LARGE1: variants seen among roughly 807,000 people sequenced by gnomAD.
LARGE1 encodes LARGE xylosyl- and glucuronyltransferase 1, also known as xylosyl- and glucuronyltransferase LARGE1.
Under a neutral mutation model 87.6 loss-of-function variants are expected in LARGE1, and 43 were observed. That is an observed-to-expected ratio of 0.49 (90% confidence interval 0.38 to 0.63). The LOEUF (loss-of-function observed/expected upper bound fraction) is 0.63, where lower values mean the gene tolerates loss of function less well. Ranked by LOEUF, LARGE1 falls within the 30% of genes least tolerant of loss-of-function variation. The pLI is 0.00. For synonymous variants in LARGE1, 434 were observed against 394.6 expected, an observed-to-expected ratio of 1.10 and a Z score of -1.18; for missense variants, 802 against 1,000.2, an observed-to-expected ratio of 0.80 and a Z score of 2.67.
intron 12 of LARGE1, among the ~76,000 whole-genome samples, chr22:33,291,676 T>C (rs531390689): frequency 3.3e-5 from 5 of 150,018 alleles, no homozygotes; most frequent in Non-Finnish European, 7.4e-5. Context: ...ATACATTTAA[T>C]ACATAATGAT....
intron 1 of LARGE1, among the ~76,000 whole-genome samples, chr22:33,834,654 T>C (rs1489932295): frequency 1.3e-5 from 2 of 152,250 alleles, no homozygotes; most frequent in Non-Finnish European, 2.9e-5. Context: ...AAAGCCTGTT[T>C]GGTGGTCTCT....
At chr22:33,725,964 T>C in intron 2 of LARGE1, among the ~76,000 whole-genome samples, 1 of 152,094 alleles carries the variant, frequency 6.6e-6, no homozygotes, top group Admixed American at 6.6e-5. Context: ...ATGCTGCTGG[T>C]ACATAGTAGG....
intron 3 of LARGE1, among the ~76,000 whole-genome samples, chr22:33,641,149 G>T (rs563164679): frequency 1.3e-5 from 2 of 152,132 alleles, no homozygotes; most frequent in African/African-American, 2.4e-5. Context: ...GGAGAGCTCC[G>T]GCTGGCAACG....
chr22:33,114,948 A>G, the LARGE1 span, among the ~76,000 whole-genome samples: 1 of 151,878 alleles, frequency 6.6e-6, no homozygotes, highest in Non-Finnish European at 1.5e-5. Flanking sequence ...AAACTCTGAA[A>G]TTTTCTTATT....
intron 11 of LARGE1, among the ~76,000 whole-genome samples, chr22:33,182,776 A>T (rs754366130): frequency 3.3e-5 from 5 of 152,196 alleles, no homozygotes; most frequent in African/African-American, 4.8e-5. Context: ...AGAAGAATGA[A>T]ATTAGACTCT....
chr22:33,636,730 C>T (rs746114320), intron 3 of LARGE1, among the ~76,000 whole-genome samples: 6 of 151,698 alleles, frequency 4.0e-5, no homozygotes, highest in African/African-American at 1.5e-4. Flanking sequence ...TGGGGTCTCG[C>T]TATGTTGCCC....
At chr22:33,348,289 C>CAAAA (rs201826859) in intron 9 of LARGE1, among the ~76,000 whole-genome samples, 1 of 124,056 alleles carries the variant, frequency 8.1e-6, no homozygotes, top group Admixed American at 8.3e-5. Context: ...CACCCCCCCC[C>CAAAA]AAAAAAAAAG....
chr22:33,920,834 G>T (rs1296148893), upstream of LARGE1, among the ~76,000 whole-genome samples: 1 of 145,000 alleles, frequency 6.9e-6, no homozygotes, highest in Non-Finnish European at 1.5e-5. Context: ...CAGCCGCCGC[G>T]GGCAGCCGGG....
chr22:33,392,591 G>A (rs1459664567), intron 7 of LARGE1, among the ~76,000 whole-genome samples: 6 of 152,214 alleles, frequency 3.9e-5, no homozygotes, highest in Non-Finnish European at 7.4e-5. Context: ...CCTGGGAGGC[G>A]GATGTTGTGG....
intron 9 of LARGE1, among the ~76,000 whole-genome samples, chr22:33,356,470 T>C (rs1019673652): frequency 6.6e-6 from 1 of 152,204 alleles, no homozygotes; most frequent in Non-Finnish European, 1.5e-5. Context: ...TCTATTTCCC[T>C]TCTTTGAAAT....
intron 6 of LARGE1, among the ~76,000 whole-genome samples, chr22:33,505,181 T>G (rs994228762): frequency 6.6e-6 from 1 of 152,248 alleles, no homozygotes; most frequent in African/African-American, 2.4e-5. Context: ...GTCCTCTCCC[T>G]GTGTCCCACA....
Position 33,274,039 on chromosome 22 carries a change from C to T in LARGE1, c.*388G>A. 1 of 389,450 alleles carries T rather than the reference C, an allele frequency of 2.6e-6. No individual in the cohort carries two copies. The highest frequency in any genetic ancestry group is 3.4e-5 in the South Asian group (1 of 29,628). The allele number at this position is 389,450 out of a possible 1,614,324, so 24.1% of individuals were successfully genotyped here. A position where few individuals can be genotyped will look rare whatever the true frequency, so the allele number is the denominator to read the frequency against. On this transcript the variant is annotated 3_prime_UTR_variant, in exon 15 of 15. Transcript: ENST00000397394. ...CCTGGGACGAATAACCCCTAGAACC[C>T]TGACTTCCCTTTCTCCCCAGTTATG...
At chr22:33,913,907 T>C (rs2065709948) in intron 1 of LARGE1, among the ~76,000 whole-genome samples, 1 of 152,128 alleles carries the variant, frequency 6.6e-6, no homozygotes, top group Admixed American at 6.5e-5. Flanking sequence ...CATGATTGTG[T>C]TCATCAAATA....
chr22:33,505,440 T>G (rs1025143792), intron 6 of LARGE1, among the ~76,000 whole-genome samples: 1 of 152,182 alleles, frequency 6.6e-6, no homozygotes, highest in African/African-American at 2.4e-5. Flanking sequence ...TCCCTACCCC[T>G]AGAAGGGAGG....
chr22:33,672,154 T>C (rs2081434787), intron 2 of LARGE1, among the ~76,000 whole-genome samples: 1 of 152,030 alleles, frequency 6.6e-6, no homozygotes, highest in African/African-American at 2.4e-5. Context: ...CGAAGAGAGA[T>C]GTTATAAAGC....
At chr22:33,391,959 C>A (rs1006511193) in intron 7 of LARGE1, among the ~76,000 whole-genome samples, 6 of 151,670 alleles carry the variant, frequency 4.0e-5, no homozygotes, top group Non-Finnish European at 7.4e-5. Context: ...TTAGTAGAGA[C>A]AGGGTTACAC....
chr22:33,424,505 CAT>C (rs1455056560), intron 7 of LARGE1, among the ~76,000 whole-genome samples: 2 of 152,134 alleles, frequency 1.3e-5, no homozygotes, highest in African/African-American at 4.8e-5. Context: ...GACTGAATGT[CAT>C]ATCTCCCCCA....
At chr22:33,120,394 CT>C in the LARGE1 span, among the ~76,000 whole-genome samples, 2 of 94,154 alleles carry the variant, frequency 2.1e-5, no homozygotes, top group East Asian at 4.9e-4. Context: ...TTCTTTCTTT[CT>C]TTCTTTCTTT....
the LARGE1 span, among the ~76,000 whole-genome samples, chr22:33,081,869 T>A: frequency 1.3e-5 from 2 of 152,170 alleles, no homozygotes; most frequent in East Asian, 3.8e-4. Context: ...ATTAATTATT[T>A]AACATTTTCC....
Sources: gnomAD v4.1 joint callset for allele counts (sites outside exome capture counted in the v4.1 genomes callset) on GRCh38, gnomAD v4.1.1 for gene constraint, MANE v1.5 for transcripts, NCBI Gene and HGNC (gene_info 2026-07-23, HGNC 2026-07-21) for gene names.